The following CDHR5 variants were observed in gnomAD, a reference collection of about 807,000 sequenced individuals.
The protein encoded by CDHR5 is cadherin related family member 5.
CDHR5 carries 82 observed loss-of-function variants against 69.5 expected under a neutral mutation model. That is an observed-to-expected ratio of 1.18 (90% CI 0.99 to 1.42). The LOEUF (loss-of-function observed/expected upper bound fraction) is 1.42. CDHR5 is among the 40% of genes most tolerant of loss of function. The pLI is 0.00. For missense variants in CDHR5, 1,293 were observed against 1,168.9 expected (o/e 1.11, Z -1.55); for synonymous variants, 601 against 510.2 (o/e 1.18, Z -2.40).
Position 624,150 on chromosome 11 carries a change from C to T in CDHR5, c.312+63G>A, listed in dbSNP as rs1857574925. 4 of 720,960 alleles carry T rather than the reference C, an allele frequency of 5.5e-6. No homozygotes were observed. The East Asian group carries it at 1.0e-4, about 19-fold the overall frequency. The allele number at this position is 720,960 out of a possible 1,614,324, so 44.7% of individuals were successfully genotyped here. A position where few individuals can be genotyped will look rare whatever the true frequency, so the allele number is the denominator to read the frequency against. On this transcript the variant is annotated intron_variant, in intron 3 of 14. Transcript: ENST00000397542. This position sits in a 1 kb window ranked among gnomAD's most constrained non-coding sequence, Gnocchi z 5.3. ...GACGTCATCAAAGACTGGTCCTGGA[C>T]CGGCAGGGCAGAGCCCAGCAGAGGT...
intron 13 of CDHR5, 89 bp downstream of exon 13, chr11:618,510 G>A: frequency 6.8e-7 from 1 of 1,477,464 alleles, no homozygotes; most frequent in Non-Finnish European, 9.3e-7. Context: ...GGTCAGGCCA[G>A]GTCAGCCTGG....
intron 10 of CDHR5, 23 bp from the exon 11 acceptor site, chr11:619,610 C>T (rs1362095863): frequency 6.2e-7 from 1 of 1,609,514 alleles, no homozygotes; most frequent in South Asian, 1.1e-5. Context: ...TCATTGAGTC[C>T]CCGGCCAGGC....
At position 616,937 on chromosome 11, in the gene CDHR5, T is replaced by C. The variant is rs1856935220; in HGVS notation, c.*414A>G. 4.8e-6 allele frequency: 1 copy of C among 207,218 alleles called. No homozygotes were observed. 12.8% of individuals were successfully genotyped at this position (207,218 alleles called of 1,614,324 possible). A position where few individuals can be genotyped will look rare whatever the true frequency, so the allele number is the denominator to read the frequency against. ...TCGGCTCCTCAGCCTCCCCAGGCAA[T>C]CTCTGTGTAGGGTCGGGAGCGGGAG... On this transcript the variant is annotated 3_prime_UTR_variant, in exon 15 of 15. Coordinates refer to ENST00000397542, the MANE Select transcript of CDHR5 (RefSeq NM_021924.5).
At position 619,507 on chromosome 11, in the gene CDHR5, G is replaced by A. The variant is rs1334993691; in HGVS notation, c.1260C>T (p.Thr420=). 6.2e-7 allele frequency: 1 copy of A among 1,613,532 alleles called. No individual in the cohort carries two copies. The highest frequency in any genetic ancestry group is 8.5e-7 in the Non-Finnish European group (1 of 1,179,578). The change falls in exon 11 of 15, where the codon ACC becomes ACT. Residue 420 remains threonine, a synonymous_variant. Coordinates refer to ENST00000397542, the MANE Select transcript of CDHR5 (RefSeq NM_021924.5). The part of the protein sequence containing the change: ...RMEGEVVLTT[T]TLAQAGAFYA... ...AGAAGGCTCCCGCCTGTGCCAGTGT[G>A]GTGGTGGTCAGCACAACCTCTCCCT...
chr11:617,198 G>A lies in CDHR5; in HGVS notation c.*153C>T, dbSNP rs2133168901. 2 of 631,044 alleles carry A rather than the reference G, an allele frequency of 3.2e-6. No homozygotes were observed. Among genetic ancestry groups the A allele is most frequent in the African/African-American group, 1.9e-5 (1 of 54,042 alleles). 39.1% of individuals were successfully genotyped at this position (631,044 alleles called of 1,614,324 possible). A position where few individuals can be genotyped will look rare whatever the true frequency, so the allele number is the denominator to read the frequency against. On this transcript the variant is annotated 3_prime_UTR_variant, in exon 15 of 15. Transcript: ENST00000397542. ...GGGCTCAAGCGCTAATGACGACAGGGGACTGAGTGAATGGGACCCCCATGG... is the reference window on the plus strand; with the variant it reads ...GGGCTCAAGCGCTAATGACGACAGGAGACTGAGTGAATGGGACCCCCATGG...
At chr11:620,980 CTGA>C (rs2133201708) in intron 7 of CDHR5, 97 bp downstream of exon 7, 3 of 806,602 alleles carry the variant, frequency 3.7e-6, no homozygotes, top group Non-Finnish European at 5.6e-6. Flanking sequence ...GCCCCACCCC[CTGA>C]CCCCGACCCC....
At position 617,248 on chromosome 11, in the gene CDHR5, G is replaced by T; in HGVS notation, c.*103C>A. The T allele has an allele frequency of 1.1e-6, 1 of 942,220 alleles. No individual in the cohort carries two copies. Among genetic ancestry groups the T allele is most frequent in the Non-Finnish European group, 1.6e-6 (1 of 624,464 alleles). The allele number at this position is 942,220 out of a possible 1,614,324, so 58.4% of individuals were successfully genotyped here. A position where few individuals can be genotyped will look rare whatever the true frequency, so the allele number is the denominator to read the frequency against. ...GACCCGCGCGCCTGCCCCACGCCAT[G>T]GCCTGGGTTTCGGGAGCCTTGCTTT... On this transcript the variant is annotated 3_prime_UTR_variant, in exon 15 of 15. Coordinates refer to ENST00000397542, the MANE Select transcript of CDHR5 (RefSeq NM_021924.5).
chr11:618,529 C>G, intron 13 of CDHR5, 70 bp downstream of exon 13: 1 of 1,568,578 alleles, frequency 6.4e-7, no homozygotes. Context: ...GGGGTGGACC[C>G]TTCCTACAGC....
In CDHR5 at chr11:621,025, T is replaced by G; in HGVS notation, c.789+55A>C. On this transcript the variant is annotated intron_variant, in intron 7 of 14. Coordinates refer to ENST00000397542, the MANE Select transcript of CDHR5 (RefSeq NM_021924.5). The surrounding 1 kb of genome is among the most constrained non-coding windows in gnomAD (Gnocchi z 4.4). ...CCTCTCCTGATCCTGGCCGTCCCTG[T>G]GTCCAGCCTGCCTAGAAGGCCCTGC... is the stretch of plus-strand genomic sequence containing the variant. 1 of 1,283,260 alleles carries G rather than the reference T, an allele frequency of 7.8e-7. No individual in the cohort carries two copies. Among genetic ancestry groups the G allele is most frequent in the Non-Finnish European group, 1.1e-6 (1 of 944,040 alleles). The allele number at this position is 1,283,260 out of a possible 1,614,324, so 79.5% of individuals were successfully genotyped here. A position where few individuals can be genotyped will look rare whatever the true frequency, so the allele number is the denominator to read the frequency against.
chr11:624,391 G>T lies in CDHR5; in HGVS notation c.262-128C>A, dbSNP rs756076192. The T allele has an allele frequency of 6.4e-6, 5 of 783,028 alleles. No individual in the cohort carries two copies. Among genetic ancestry groups the T allele is most frequent in the Non-Finnish European group, 1.1e-5 (5 of 443,290 alleles). 48.5% of individuals were successfully genotyped at this position (783,028 alleles called of 1,614,324 possible). ...AGTGCTGAGGGTGTGGGCCCAGGCA[G>T]CTTCATCCCGAAATGGCCCAGCCTT... On this transcript the variant is annotated intron_variant, in intron 2 of 14. Transcript: ENST00000397542. The surrounding 1 kb of genome is among the most constrained non-coding windows in gnomAD (Gnocchi z 5.3).
rs566418793 is a variant in CDHR5, at chr11:623,784, T to A, written c.312+429A>T. On this transcript the variant is annotated intron_variant, in intron 3 of 14. Coordinates refer to ENST00000397542, the MANE Select transcript of CDHR5 (RefSeq NM_021924.5). ...TGGGCCAGCTGGAAGTTTCCCAAAATGAGTGCTGGTGTCCCGGCCCTGATG... is the reference window on the plus strand; with the variant it reads ...TGGGCCAGCTGGAAGTTTCCCAAAAAGAGTGCTGGTGTCCCGGCCCTGATG... Among the ~76,000 whole-genome samples, 7 of 151,870 alleles carry A rather than the reference T, an allele frequency of 4.6e-5. No individual in the cohort carries two copies. The South Asian group carries it at 1.2e-3, about 27-fold the overall frequency.
At position 617,768 on chromosome 11, in the gene CDHR5, C is replaced by T. The variant is rs1313215198; in HGVS notation, c.2121G>A (p.Glu707=). ...RLKCCCGKAP[E]PQPQGFDNQA... ...GGTTGTCAAAGCCTTGGGGCTGGGG[C>T]TCCTGCAGGCGGGAGTCGAGGCGTC... The change falls in exon 15 of 15, where the codon GAG becomes GAA. Residue 707 remains glutamate, a splice_region_variant and synonymous_variant. Coordinates refer to ENST00000397542, the MANE Select transcript of CDHR5 (RefSeq NM_021924.5). 1 of 1,452,932 alleles carries T rather than the reference C, an allele frequency of 6.9e-7. No individual in the cohort carries two copies. Among genetic ancestry groups the T allele is most frequent in the Non-Finnish European group, 9.0e-7 (1 of 1,109,672 alleles). The allele number at this position is 1,452,932 out of a possible 1,614,324, so 90.0% of individuals were successfully genotyped here.
rs145426010 is a variant in CDHR5 at position 621,164 on chromosome 11, C to T, written c.705G>A (p.Pro235=). The change falls in exon 7 of 15, where the codon CCG becomes CCA. Residue 235 remains proline, a synonymous_variant. Coordinates refer to ENST00000397542, the MANE Select transcript of CDHR5 (RefSeq NM_021924.5). This position sits in a 1 kb window ranked among gnomAD's most constrained non-coding sequence, Gnocchi z 4.4. ...CTGAGAAGGTGCAGGGCAGGAACCA[C>T]GGGGGCCGCAGGTCGGCGGGCACCA... ...LNVVPADLRP[P]WFLPCTFSDG... The T allele has an allele frequency of 1.8e-4, 287 of 1,604,964 alleles. No homozygotes were observed. The highest frequency in any genetic ancestry group is 2.3e-4 in the Non-Finnish European group (271 of 1,175,418).
At position 617,532 on chromosome 11, in the gene CDHR5, C is replaced by T; in HGVS notation, c.2357G>A (p.Gly786Asp). Residue 786 changes from glycine (G) to aspartate (D), a missense_variant, in exon 15 of 15, where the codon GGC (glycine) becomes GAC (aspartate). By Grantham distance (94) the Gly-to-Asp change is moderately conservative (BLOSUM62 -1). Coordinates refer to ENST00000397542, the MANE Select transcript of CDHR5 (RefSeq NM_021924.5). ...SILTKERRPE[G>D]GYKAVWFGED... The stretch of plus-strand genomic sequence containing the variant: ...GCCAAACCAGACAGCCTTGTACCCG[C>T]CCTCCGGCCGCCGCTCCTTGGTCAG... 1.9e-6 allele frequency: 3 copies of T among 1,612,486 alleles called. No individual in the cohort carries two copies. Among genetic ancestry groups the T allele is most frequent in the East Asian group, 2.2e-5 (1 of 44,874 alleles).
Position 620,147 on chromosome 11 carries a change from A to G in CDHR5, c.898T>C (p.Phe300Leu). 1.9e-6 allele frequency: 3 copies of G among 1,613,356 alleles called. No individual in the cohort carries two copies. The highest frequency in any genetic ancestry group is 2.5e-6 in the Non-Finnish European group (3 of 1,179,684). ...SIFRGNVNGT[F>L]IIHPDSGNLT... ...TTGCCCGAGTCTGGGTGGATGATGAATGTACCATTCACGTTTCCTGGGAGG... is the reference window on the plus strand; with the variant it reads ...TTGCCCGAGTCTGGGTGGATGATGAGTGTACCATTCACGTTTCCTGGGAGG... Residue 300 changes from phenylalanine to leucine, a missense_variant, in exon 9 of 15, where the codon TTC becomes CTC. Transcript: ENST00000397542.
chr11:621,320 C>T lies in CDHR5; in HGVS notation c.618+25G>A, dbSNP rs772289154. The T allele has an allele frequency of 1.1e-5, 17 of 1,612,530 alleles. No individual in the cohort carries two copies. Among genetic ancestry groups the T allele is most frequent in the Non-Finnish European group, 1.0e-5 (12 of 1,179,466 alleles). On this transcript the variant is annotated intron_variant, in intron 6 of 14. Coordinates refer to ENST00000397542, the MANE Select transcript of CDHR5 (RefSeq NM_021924.5). The surrounding 1 kb of genome is among the most constrained non-coding windows in gnomAD (Gnocchi z 4.4). ...GCCGGGGGGCCTCAAGTGTGTGGGA[C>T]TCGGGGCTGGGGTGACCTGCTCACC...
rs984582048 is a variant in CDHR5, at chr11:617,398, C to T, written c.2491G>A (p.Gly831Ser). 6 of 1,610,492 alleles carry T rather than the reference C, an allele frequency of 3.7e-6. No individual in the cohort carries two copies. Among genetic ancestry groups the T allele is most frequent in the African/African-American group, 2.7e-5 (2 of 74,822 alleles). ...CCGGGCGCATCGTAGGGACCCCCAC[C>T]CCTCCCCGCGCCCTCGCCCTCATCG... is the stretch of plus-strand genomic sequence containing the variant. ...SGDEGEGAGR[G>S]GGPYDAPGGD... The change falls in exon 15 of 15, where the codon GGT (glycine) becomes AGT (serine). Residue 831 changes from glycine (G) to serine (S), a missense_variant. Physicochemically the swap from Gly to Ser is moderately conservative, Grantham distance 56. Transcript: ENST00000397542.
At position 620,107 on chromosome 11, in the gene CDHR5, C is replaced by T. The variant is rs1857280301; in HGVS notation, c.938G>A (p.Arg313Lys). ...GAAGGTCATGGGGCTGGGGACACTCCTGGCCACGGTGAGGTTGCCCGAGTC... is the reference window on the plus strand; with the variant it reads ...GAAGGTCATGGGGCTGGGGACACTCTTGGCCACGGTGAGGTTGCCCGAGTC... ...HPDSGNLTVA[R>K]SVPSPMTFLL... The change falls in exon 9 of 15, where the codon AGG becomes AAG. Residue 313 changes from arginine (R) to lysine (K), a missense_variant. Coordinates refer to ENST00000397542, the MANE Select transcript of CDHR5 (RefSeq NM_021924.5). 3 of 1,613,330 alleles carry T rather than the reference C, an allele frequency of 1.9e-6. No individual in the cohort carries two copies. The highest frequency in any genetic ancestry group is 1.7e-5 in the Admixed American group (1 of 59,952).
rs1410355248 is a variant in CDHR5 at position 624,406 on chromosome 11, G to A, written c.262-143C>T. 2 of 839,598 alleles carry A rather than the reference G, an allele frequency of 2.4e-6. No homozygotes were observed. The highest frequency in any genetic ancestry group is 1.4e-5 in the South Asian group (1 of 71,456). 52.0% of individuals were successfully genotyped at this position (839,598 alleles called of 1,614,324 possible). On this transcript the variant is annotated intron_variant, in intron 2 of 14. Coordinates refer to ENST00000397542, the MANE Select transcript of CDHR5 (RefSeq NM_021924.5). This position sits in a 1 kb window ranked among gnomAD's most constrained non-coding sequence, Gnocchi z 5.3. ...GGCCCAGGCAGCTTCATCCCGAAAT[G>A]GCCCAGCCTTCTAGGGCAGGCACCA... is the stretch of plus-strand genomic sequence containing the variant.
Sources: gnomAD v4.1 joint callset for allele counts (sites outside exome capture counted in the v4.1 genomes callset) on GRCh38, gnomAD v4.1.1 for gene constraint, Gnocchi (gnomAD v3.1) non-coding constraint, MANE v1.5 for transcripts, NCBI Gene and HGNC (gene_info 2026-07-23, HGNC 2026-07-21) for gene names.